DPCD: variants seen among roughly 807,000 people sequenced by gnomAD.
The protein encoded by DPCD is deleted in primary ciliary dyskinesia homolog (mouse).
A neutral mutation model predicts 26.4 loss-of-function variants in DPCD; 20 were observed. The ratio of observed to expected loss-of-function variants is 0.76; its 90% CI spans 0.53 to 1.10. The LOEUF is 1.10. Ranked by LOEUF, DPCD falls within the 50% of genes least tolerant of loss-of-function variation. DPCD has a pLI of 0.00. For missense variants in DPCD, 202 were observed against 253.9 expected (o/e 0.80, Z 1.39); for synonymous variants, 97 against 94.2 (o/e 1.03, Z -0.17).
intron 1 of DPCD, among the ~76,000 whole-genome samples, chr10:101,593,502 C>T (rs2063627260): frequency 6.6e-6 from 1 of 152,156 alleles, no homozygotes. Flanking sequence ...ACTTCCCTAC[C>T]TATAAAAAGA....
At chr10:101,592,335 A>G (rs2063616111) in intron 1 of DPCD, among the ~76,000 whole-genome samples, 1 of 152,186 alleles carries the variant, frequency 6.6e-6, no homozygotes, top group African/African-American at 2.4e-5. Context: ...TGCTATAATC[A>G]TGCCTGTGAA....
rs1308963933 is a variant in DPCD at position 101,609,391 on chromosome 10, G to C, written c.532G>C (p.Val178Leu). The change falls in exon 6 of 6, where the codon GTG becomes CTG. Residue 178 changes from valine (V) to leucine (L), a missense_variant. Val to Leu is a conservative substitution (Grantham distance 32, BLOSUM62 1). Transcript: ENST00000370151. ...ISYQKPKEVV[V>L]AESELQKELK... ...GTACCAGAAGCCAAAGGAGGTTGTG[G>C]TGGCCGAGTCTGAGCTACAGAAGGA... The C allele has an allele frequency of 3.1e-6, 5 of 1,614,160 alleles. No homozygotes were observed. The highest frequency in any genetic ancestry group is 4.2e-6 in the Non-Finnish European group (5 of 1,180,032).
rs374247160 is a variant in DPCD at position 101,605,105 on chromosome 10, A to G, written c.405-3730A>G. 10 of 1,550,358 alleles carry G rather than the reference A, an allele frequency of 6.5e-6. No homozygotes were observed. The African/African-American group carries it at 6.8e-5, about 11-fold the overall frequency. On this transcript the variant is annotated intron_variant, in intron 4 of 5. Transcript: ENST00000370151. ...GGTGCCAAGTTTGCCCAGAGCCTTGATGTTTAAGAAGATTTGCTTGCTGCT... is the reference window on the plus strand; with the variant it reads ...GGTGCCAAGTTTGCCCAGAGCCTTGGTGTTTAAGAAGATTTGCTTGCTGCT...
chr10:101,588,464 G>T (rs970680379), intron 1 of DPCD, 64 bp downstream of exon 1: 1 of 1,544,726 alleles, frequency 6.5e-7, no homozygotes, highest in African/African-American at 1.4e-5. Context: ...CTCCGGGAAG[G>T]GCCTCAGGGC....
chr10:101,593,024 C>G (rs550669419), intron 1 of DPCD, among the ~76,000 whole-genome samples: 3 of 123,424 alleles, frequency 2.4e-5, no homozygotes, highest in African/African-American at 8.0e-5. Flanking sequence ...AAAAAAAACC[C>G]TCACTTTTCC....
At chr10:101,605,003 T>C (rs942281630) in intron 4 of DPCD, 3 of 1,308,174 alleles carry the variant, frequency 2.3e-6, no homozygotes, top group Admixed American at 2.8e-5. Context: ...TTAAACAGGC[T>C]TCTCTTTGGT....
chr10:101,609,469 T>C lies in DPCD; in HGVS notation c.610T>C (p.Ter204GlnextTer?). The C allele has an allele frequency of 1.2e-6, 2 of 1,613,832 alleles. No homozygotes were observed. The highest frequency in any genetic ancestry group is 1.7e-6 in the Non-Finnish European group (2 of 1,179,864). The change falls in exon 6 of 6, where the codon TAG (stop) becomes CAG (glutamine). Residue 204 changes from the stop codon to glutamine, a stop_lost. Transcript: ENST00000370151. The stretch of plus-strand genomic sequence containing the variant: ...CAACGATGGGGACTGCAAGACCCAG[T>C]AGTTGGCCCCTGAGCCTTATACCTC... ...HSNDGDCKTQ[*>Q]
rs780659841 is a variant in DPCD at position 101,588,761 on chromosome 10, G to A, written c.64+361G>A. 96 of 828,262 alleles carry A rather than the reference G, an allele frequency of 1.2e-4. No individual in the cohort carries two copies. In the Middle Eastern group the frequency reaches 6.9e-3, roughly 60 times the overall value. The allele number at this position is 828,262 out of a possible 1,614,324, so 51.3% of individuals were successfully genotyped here. ...ATCCAAGAATGTTTTAGACTTTAGA[G>A]AGGAGAGAGGCCTGGGCTCTAGTTC... On this transcript the variant is annotated intron_variant, in intron 1 of 5. Coordinates refer to ENST00000370151, the MANE Select transcript of DPCD (RefSeq NM_015448.3).
At chr10:101,591,736 C>T (rs2063609872) in intron 1 of DPCD, among the ~76,000 whole-genome samples, 1 of 152,040 alleles carries the variant, frequency 6.6e-6, no homozygotes, top group South Asian at 2.1e-4. Flanking sequence ...AACTGGAGTG[C>T]AATGGCGCAA....
chr10:101,595,850 T>C (rs1408611003), intron 2 of DPCD, among the ~76,000 whole-genome samples: 1 of 152,154 alleles, frequency 6.6e-6, no homozygotes, highest in Admixed American at 6.5e-5. Flanking sequence ...CAATGCATTG[T>C]AATTTATAGT....
chr10:101,602,689 A>C (rs932330018), intron 4 of DPCD, among the ~76,000 whole-genome samples: 1 of 152,202 alleles, frequency 6.6e-6, no homozygotes, highest in Non-Finnish European at 1.5e-5. Flanking sequence ...CCTGTAGGAG[A>C]ACAAACTCCA....
At chr10:101,598,825 T>C (rs1452987376) in intron 2 of DPCD, among the ~76,000 whole-genome samples, 1 of 152,120 alleles carries the variant, frequency 6.6e-6, no homozygotes, top group Non-Finnish European at 1.5e-5. Context: ...GGTTTCTCCA[T>C]GTTGGCCAGG....
Position 101,600,637 on chromosome 10 carries a change from C to T in DPCD, c.146-101C>T. On this transcript the variant is annotated intron_variant, in intron 2 of 5. Coordinates refer to ENST00000370151, the MANE Select transcript of DPCD (RefSeq NM_015448.3). This position sits in a 1 kb window ranked among gnomAD's most constrained non-coding sequence, Gnocchi z 4.7. ...TCCCACTTTCATCTTGTGCTAGTTA[C>T]CTAGTGTGGTGCCGGTGATTCAGCA... The T allele has an allele frequency of 6.7e-7, 1 of 1,494,714 alleles. No individual in the cohort carries two copies. Among genetic ancestry groups the T allele is most frequent in the Non-Finnish European group, 9.0e-7 (1 of 1,115,442 alleles). The allele number at this position is 1,494,714 out of a possible 1,614,324, so 92.6% of individuals were successfully genotyped here.
intron 1 of DPCD, among the ~76,000 whole-genome samples, chr10:101,590,502 T>C (rs2063598479): frequency 6.6e-6 from 1 of 152,188 alleles, no homozygotes; most frequent in African/African-American, 2.4e-5. Flanking sequence ...TGTACAGTTC[T>C]GTGGCATTAA....
At chr10:101,590,581 T>TC (rs1164355662) in intron 1 of DPCD, among the ~76,000 whole-genome samples, 1 of 150,844 alleles carries the variant, frequency 6.6e-6, no homozygotes, top group Admixed American at 6.6e-5. Context: ...CAACGGAAAT[T>TC]CTTTTTTTTT....
chr10:101,591,048 T>G (rs2134751765), intron 1 of DPCD, among the ~76,000 whole-genome samples: 1 of 152,280 alleles, frequency 6.6e-6, no homozygotes, highest in Non-Finnish European at 1.5e-5. Context: ...AAAGTAAACC[T>G]CTAAATGTTC....
At chr10:101,593,682 G>C (rs12263235) in intron 1 of DPCD, among the ~76,000 whole-genome samples, 2 of 151,810 alleles carry the variant, frequency 1.3e-5, no homozygotes, top group Admixed American at 6.6e-5. Flanking sequence ...TCCGCCTCCC[G>C]GGTTCAAGCA....
At chr10:101,605,034 T>G in intron 4 of DPCD, 1 of 1,483,696 alleles carries the variant, frequency 6.7e-7, no homozygotes, top group African/African-American at 1.4e-5. Flanking sequence ...GCCTTTAGTA[T>G]GTGTGTGTGA....
chr10:101,595,172 T>A (rs1238079335), intron 2 of DPCD, among the ~76,000 whole-genome samples: 2 of 152,222 alleles, frequency 1.3e-5, no homozygotes, highest in Admixed American at 6.5e-5. Flanking sequence ...GCTTCTGAGC[T>A]TGCCTCAAAG....
Sources: gnomAD v4.1 joint callset for allele counts (sites outside exome capture counted in the v4.1 genomes callset) on GRCh38, gnomAD v4.1.1 for gene constraint, Gnocchi (gnomAD v3.1) non-coding constraint, MANE v1.5 for transcripts, NCBI Gene and HGNC (gene_info 2026-07-23, HGNC 2026-07-21) for gene names.